The following NKAIN2 variants were observed in gnomAD, a reference collection of about 807,000 sequenced individuals.
NKAIN2 encodes sodium/potassium transporting ATPase interacting 2.
NKAIN2 carries 14 observed loss-of-function variants against 32.6 expected under a neutral mutation model. The ratio of observed to expected loss-of-function variants is 0.43; its 90% CI spans 0.28 to 0.67. The LOEUF (loss-of-function observed/expected upper bound fraction) is 0.67. Among genes scored for constraint, NKAIN2 ranks in the 30% least tolerant of loss-of-function variants. The probability of loss-of-function intolerance (pLI) is 0.17; values close to 1 mark genes in which losing one functional copy is unlikely to be tolerated. For synonymous variants in NKAIN2, 80 were observed against 87.2 expected (o/e 0.92, Z 0.46); for missense variants, 198 against 258.3 (o/e 0.77, Z 1.60).
At chr6:124,538,802 C>T (rs1462807286) in intron 3 of NKAIN2, among the ~76,000 whole-genome samples, 7 of 151,998 alleles carry the variant, frequency 4.6e-5, no homozygotes, top group East Asian at 1.9e-4. Context: ...TTTTCTCATT[C>T]GCTCGGTTTA....
At position 123,810,549 on chromosome 6, in the gene NKAIN2, G is replaced by A. The variant is rs185077211; in HGVS notation, c.54+6295G>A. ...AGCAAGTATCCATTGCTGTTCTCAT[G>A]CATTTGGGCCAACTTTTGACAGATA... On this transcript the variant is annotated intron_variant, in intron 1 of 6. Transcript: ENST00000368417. 4.6e-3 allele frequency among the ~76,000 whole-genome samples: 697 copies of A among 152,240 alleles called. 9 individuals carry two copies. The highest frequency in any genetic ancestry group is 0.016 in the African/African-American group (660 of 41,534).
intron 1 of NKAIN2, among the ~76,000 whole-genome samples, chr6:124,065,353 G>C (rs1303810246): frequency 6.6e-6 from 1 of 151,908 alleles, no homozygotes; most frequent in Non-Finnish European, 1.5e-5. Context: ...GCTTACCCAG[G>C]CCTATGAAAT....
At chr6:124,642,390 C>A (rs1254098963) in intron 3 of NKAIN2, among the ~76,000 whole-genome samples, 1 of 152,082 alleles carries the variant, frequency 6.6e-6, no homozygotes, top group Non-Finnish European at 1.5e-5. Flanking sequence ...TAGATCTATA[C>A]AAGTATTACC....
At chr6:124,412,056 A>G (rs367710614) in intron 3 of NKAIN2, among the ~76,000 whole-genome samples, 7 of 151,952 alleles carry the variant, frequency 4.6e-5, no homozygotes, top group Admixed American at 3.9e-4. Flanking sequence ...ACTTCTCTGC[A>G]TTGGTTATTC....
intron 1 of NKAIN2, among the ~76,000 whole-genome samples, chr6:124,096,511 T>A (rs528193531): frequency 6.6e-6 from 1 of 152,324 alleles, no homozygotes; most frequent in South Asian, 2.1e-4. Context: ...AAAATCCTTC[T>A]TATCGTTTTC....
intron 1 of NKAIN2, among the ~76,000 whole-genome samples, chr6:124,186,199 A>G (rs1008974190): frequency 5.7e-5 from 7 of 123,278 alleles, no homozygotes; most frequent in Non-Finnish European, 9.2e-5. Context: ...GGAAGGAAGG[A>G]AAGAAGGAAA....
At chr6:124,784,215 TGA>T (rs1170882369) in intron 4 of NKAIN2, among the ~76,000 whole-genome samples, 2 of 152,146 alleles carry the variant, frequency 1.3e-5, no homozygotes, top group Admixed American at 6.6e-5. Flanking sequence ...TGAAATAAAA[TGA>T]GAGATTCTGT....
intron 1 of NKAIN2, among the ~76,000 whole-genome samples, chr6:124,001,180 G>A (rs1582909247): frequency 1.3e-5 from 2 of 152,066 alleles, no homozygotes; most frequent in East Asian, 1.9e-4. Flanking sequence ...TGCTTTTGGA[G>A]TGACTTTAGT....
intron 1 of NKAIN2, among the ~76,000 whole-genome samples, chr6:124,133,743 A>G (rs1786590655): frequency 6.6e-6 from 1 of 152,198 alleles, no homozygotes; most frequent in Non-Finnish European, 1.5e-5. Context: ...CAAAATCAGC[A>G]CAGAAGACTC....
In NKAIN2 at chr6:124,712,364, C is replaced by T. The variant is rs1281411477; in HGVS notation, c.474+53978C>T. On this transcript the variant is annotated intron_variant, in intron 4 of 6. Coordinates refer to ENST00000368417, the MANE Select transcript of NKAIN2 (RefSeq NM_001040214.3). ...GCTCCGCCCAGTTGGAGCTTTCTGG[C>T]TGCTTTGTTTACCTAATCAAGCCTG... Among the ~76,000 whole-genome samples the T allele has an allele frequency of 2.0e-5, 2 of 97,640 alleles. 1 individual carries two copies. The highest frequency in any genetic ancestry group is 5.1e-4 in the East Asian group (2 of 3,936). 64.1% of individuals were successfully genotyped at this position (97,640 alleles called of 152,430 possible). A position where few individuals can be genotyped will look rare whatever the true frequency, so the allele number is the denominator to read the frequency against.
At chr6:123,898,615 A>G (rs553489363) in intron 1 of NKAIN2, among the ~76,000 whole-genome samples, 2 of 151,966 alleles carry the variant, frequency 1.3e-5, no homozygotes, top group African/African-American at 4.8e-5. Flanking sequence ...ATATAATTAG[A>G]AACCTGAATG....
At chr6:124,067,966 C>T (rs1194359067) in intron 1 of NKAIN2, among the ~76,000 whole-genome samples, 1 of 152,154 alleles carries the variant, frequency 6.6e-6, no homozygotes, top group South Asian at 2.1e-4. Context: ...AGTGTATACC[C>T]AGCACTGTTC....
chr6:124,477,632 C>A (rs945816908), intron 3 of NKAIN2, among the ~76,000 whole-genome samples: 2 of 150,430 alleles, frequency 1.3e-5, no homozygotes, highest in Admixed American at 1.3e-4. Flanking sequence ...TCTTCTTTTT[C>A]TTCTTCTTCT....
intron 3 of NKAIN2, among the ~76,000 whole-genome samples, chr6:124,480,096 G>A (rs143721665): frequency 0.011 from 1,646 of 152,270 alleles, 37 homozygotes; most frequent in African/African-American, 0.038. Context: ...ACCTTCTGAG[G>A]TCATTTGCTT....
chr6:124,533,325 A>C (rs2114826037), intron 3 of NKAIN2, among the ~76,000 whole-genome samples: 1 of 152,046 alleles, frequency 6.6e-6, no homozygotes, highest in South Asian at 2.1e-4. Context: ...CAAAAAAATT[A>C]GCCGGGCATG....
At chr6:124,393,865 C>T (rs186308496) in intron 3 of NKAIN2, among the ~76,000 whole-genome samples, 549 of 152,282 alleles carry the variant, frequency 3.6e-3, no homozygotes, top group African/African-American at 0.011. Flanking sequence ...TTAATTCTCA[C>T]TACAAACTTC....
At chr6:124,815,236 A>ATATATATATG (rs1562400467) in intron 5 of NKAIN2, among the ~76,000 whole-genome samples, 4 of 144,106 alleles carry the variant, frequency 2.8e-5, no homozygotes, top group Non-Finnish European at 6.0e-5. Flanking sequence ...ATATATATAT[A>ATATATATATG]TATATGTATA....
At chr6:124,473,079 C>T (rs1195369714) in intron 3 of NKAIN2, among the ~76,000 whole-genome samples, 1 of 152,056 alleles carries the variant, frequency 6.6e-6, no homozygotes, top group Non-Finnish European at 1.5e-5. Flanking sequence ...AAGGAAAGCG[C>T]CCAAATTTAA....
intron 3 of NKAIN2, among the ~76,000 whole-genome samples, chr6:124,380,029 A>G (rs149300235): frequency 1.5e-3 from 221 of 152,260 alleles, no homozygotes; most frequent in African/African-American, 5.2e-3. Flanking sequence ...CTGCTTTTAC[A>G]TATTTTCACG....
Sources: allele counts gnomAD v4.1 joint callset (sites outside exome capture counted in the v4.1 genomes callset), GRCh38; gene constraint gnomAD v4.1.1; transcripts MANE v1.5; gene names NCBI Gene and HGNC (gene_info 2026-07-23, HGNC 2026-07-21).